Variants in PCDHA11 observed in about 807,000 individuals in gnomAD.
The protein encoded by PCDHA11 is protocadherin alpha 11.
In PCDHA11, 61 loss-of-function variants were observed where a neutral mutation model predicts 70.3. The observed-to-expected ratio is 0.87, with a 90% CI of 0.71 to 1.07. The LOEUF (loss-of-function observed/expected upper bound fraction) is 1.07, where lower values mean the gene tolerates loss of function less well. Ranked by LOEUF, PCDHA11 falls within the 50% of genes least tolerant of loss-of-function variation. The pLI, the probability that PCDHA11 is intolerant of heterozygous loss-of-function variation, is 0.00. For synonymous variants in PCDHA11, 633 were observed against 555.1 expected (o/e 1.14, Z -1.97); for missense variants, 1,324 against 1,237.5 (o/e 1.07, Z -1.05).
chr5:140,965,879 G>C (rs920261632), intron 1 of PCDHA11, among the ~76,000 whole-genome samples: 1 of 152,216 alleles, frequency 6.6e-6, no homozygotes, highest in Non-Finnish European at 1.5e-5. Flanking sequence ...ACTTGGCCGA[G>C]AGCAGAATTG....
chr5:141,001,478 A>G, intron 3 of PCDHA11, among the ~76,000 whole-genome samples: 1 of 152,236 alleles, frequency 6.6e-6, no homozygotes, highest in Non-Finnish European at 1.5e-5. Context: ...GCAGCGGGGA[A>G]GTGCTGGAAA....
chr5:140,902,197 C>T (rs868992860), intron 1 of PCDHA11, among the ~76,000 whole-genome samples: 1 of 143,684 alleles, frequency 7.0e-6, no homozygotes, highest in African/African-American at 2.6e-5. Context: ...CTCTCTCTCT[C>T]TCTTTCTTTT....
chr5:140,921,377 T>C (rs1368330420), intron 1 of PCDHA11, among the ~76,000 whole-genome samples: 2 of 152,172 alleles, frequency 1.3e-5, no homozygotes, highest in Non-Finnish European at 2.9e-5. Flanking sequence ...TATTTCTACA[T>C]ATTTGATAAA....
intron 1 of PCDHA11, chr5:140,968,459 G>A (rs1554230743): frequency 6.2e-7 from 1 of 1,614,094 alleles, no homozygotes; most frequent in African/African-American, 1.3e-5. Flanking sequence ...CACTGTGACT[G>A]CCAACGTATA....
chr5:140,990,184 A>G lies in PCDHA11; in HGVS notation c.2539+7621A>G, dbSNP rs1230599539. 1.3e-5 allele frequency among the ~76,000 whole-genome samples: 2 copies of G among 152,158 alleles called. 1 individual carries two copies. The highest frequency in any genetic ancestry group is 2.9e-5 in the Non-Finnish European group (2 of 68,034). ...GGGTATGAAAAGGTGACTTTTAAGA[A>G]CCAAATGTGGACCCGAAAGAGAACA... is the stretch of plus-strand genomic sequence containing the variant. On this transcript the variant is annotated intron_variant, in intron 3 of 3. Transcript: ENST00000398640.
chr5:140,927,843 C>G, intron 1 of PCDHA11: 2 of 1,614,186 alleles, frequency 1.2e-6, no homozygotes, highest in Non-Finnish European at 1.7e-6. Flanking sequence ...ACGAAGGTGT[C>G]TTTGGTTTAG....
At chr5:140,963,146 T>C (rs1230280019) in intron 1 of PCDHA11, among the ~76,000 whole-genome samples, 2 of 152,074 alleles carry the variant, frequency 1.3e-5, no homozygotes, top group African/African-American at 4.8e-5. Flanking sequence ...TTTGGATGAA[T>C]TTAAAAATGA....
At chr5:140,988,043 A>G (rs2153870251) in intron 3 of PCDHA11, among the ~76,000 whole-genome samples, 1 of 152,336 alleles carries the variant, frequency 6.6e-6, no homozygotes, top group Non-Finnish European at 1.5e-5. Context: ...GAATCTGTTT[A>G]GGAGCACTGT....
chr5:140,986,195 A>G (rs1200850544), intron 3 of PCDHA11, among the ~76,000 whole-genome samples: 1 of 152,314 alleles, frequency 6.6e-6, no homozygotes, highest in Non-Finnish European at 1.5e-5. Context: ...TAAATTGGTT[A>G]ATCCTGATTA....
At chr5:140,884,003 G>T (rs781845787) in intron 1 of PCDHA11, 2 of 1,612,968 alleles carry the variant, frequency 1.2e-6, no homozygotes, top group Non-Finnish European at 8.5e-7. Flanking sequence ...CACAGTGAGC[G>T]AGCTGATGCC....
intron 1 of PCDHA11, among the ~76,000 whole-genome samples, chr5:140,922,711 A>G (rs2080951866): frequency 6.6e-6 from 1 of 152,270 alleles, no homozygotes; most frequent in Non-Finnish European, 1.5e-5. Flanking sequence ...GTCAAGAACA[A>G]AAAGAAACAC....
chr5:140,887,101 C>CT (rs200717289), intron 1 of PCDHA11, among the ~76,000 whole-genome samples: 1,545 of 145,196 alleles, frequency 0.011, 15 homozygotes, highest in African/African-American at 0.022. Flanking sequence ...ATCTTTATCT[C>CT]TTTTTTTTTT....
chr5:140,876,349 T>G lies in PCDHA11; in HGVS notation c.2391+4855T>G, dbSNP rs781967314. On this transcript the variant is annotated intron_variant, in intron 1 of 3. Transcript: ENST00000398640. ...TTTGCCAGTGAGTGAGAAATGTATG[T>G]TTTCAATAAATCCAGACACAGGTGA... The G allele has an allele frequency of 3.2e-5, 52 of 1,613,894 alleles. No homozygotes were observed. In the South Asian group the frequency reaches 5.1e-4, roughly 16 times the overall value.
chr5:140,978,989 T>G lies in PCDHA11; in HGVS notation c.2432T>G (p.Leu811Arg). 1 of 1,614,212 alleles carries G rather than the reference T, an allele frequency of 6.2e-7. No individual in the cohort carries two copies. Among genetic ancestry groups the G allele is most frequent in the Non-Finnish European group, 8.5e-7 (1 of 1,180,034 alleles). Residue 811 changes from leucine to arginine, a missense_variant, in exon 2 of 4, where the codon CTG (leucine) becomes CGG (arginine). Transcript: ENST00000398640. Reference protein sequence around the residue: ...PNPDWRYSASLRAGMHSSVHL... With the variant: ...PNPDWRYSASRRAGMHSSVHL... ...CCTGACTGGCGTTACTCTGCCTCCC[T>G]GAGAGCAGGCATGCACAGGTATGTA...
intron 1 of PCDHA11, among the ~76,000 whole-genome samples, chr5:140,959,119 G>A (rs576475580): frequency 3.3e-5 from 5 of 152,160 alleles, no homozygotes; most frequent in East Asian, 3.9e-4. Context: ...GAAGGTGGGC[G>A]AGGTGAGCCC....
At chr5:141,006,406 G>A (rs553100919) in intron 3 of PCDHA11, among the ~76,000 whole-genome samples, 1 of 152,050 alleles carries the variant, frequency 6.6e-6, no homozygotes, top group East Asian at 1.9e-4. Context: ...GTAGAGACGC[G>A]GTTTCACTGT....
rs1417392698 is a variant in PCDHA11 at position 140,999,864 on chromosome 5, T to G, written c.2540-9763T>G. Among the ~76,000 whole-genome samples, 46 of 152,148 alleles carry G rather than the reference T, an allele frequency of 3.0e-4. 1 individual carries two copies. ...TGTATTTATCTCTTCCGCTCCAAGATTACTGAAAATTAGCCCAGCTGTAGC... is the reference window on the plus strand; with the variant it reads ...TGTATTTATCTCTTCCGCTCCAAGAGTACTGAAAATTAGCCCAGCTGTAGC... On this transcript the variant is annotated intron_variant, in intron 3 of 3. Coordinates refer to ENST00000398640, the MANE Select transcript of PCDHA11 (RefSeq NM_018902.5).
chr5:140,913,531 A>T (rs1451484656), intron 1 of PCDHA11, among the ~76,000 whole-genome samples: 1 of 151,914 alleles, frequency 6.6e-6, no homozygotes, highest in Admixed American at 6.6e-5. Flanking sequence ...TTTTCAAAAG[A>T]TTGACTTTTT....
chr5:140,905,664 T>A (rs1456741391), intron 1 of PCDHA11, among the ~76,000 whole-genome samples: 1 of 152,246 alleles, frequency 6.6e-6, no homozygotes, highest in African/African-American at 2.4e-5. Flanking sequence ...CTGTCATCCA[T>A]TAACATGGAA....
Sources: gnomAD v4.1 joint callset for allele counts (sites outside exome capture counted in the v4.1 genomes callset) on GRCh38, gnomAD v4.1.1 for gene constraint, MANE v1.5 for transcripts, NCBI Gene and HGNC (gene_info 2026-07-23, HGNC 2026-07-21) for gene names.